Variants in MYT1L observed in about 807,000 individuals in gnomAD.
The protein encoded by MYT1L is myelin transcription factor 1-like protein.
In MYT1L, 12 loss-of-function variants were observed where a neutral mutation model predicts 126.7. The ratio of observed to expected loss-of-function variants is 0.09; its 90% CI spans 0.06 to 0.15. The LOEUF is 0.15. MYT1L is among the 10% of genes least tolerant of loss of function. The pLI is 1.00. For missense variants in MYT1L, 979 were observed against 1,585.2 expected (o/e 0.62, Z 6.49); for synonymous variants, 541 against 604.2 (o/e 0.90, Z 1.53).
In MYT1L at chr2:2,038,761, G is replaced by A. The variant is rs548377101; in HGVS notation, c.-158+15217C>T. 2.6e-5 allele frequency among the ~76,000 whole-genome samples: 4 copies of A among 152,144 alleles called. No individual in the cohort carries two copies. The East Asian group carries it at 7.8e-4, about 29-fold the overall frequency. ...CACAGGTGGTGAGGCCCTGGTTGATGTGTCCAGCTGTCCCTCACACACCCT... is the reference window on the plus strand; with the variant it reads ...CACAGGTGGTGAGGCCCTGGTTGATATGTCCAGCTGTCCCTCACACACCCT... On this transcript the variant is annotated intron_variant, in intron 4 of 24. Transcript: ENST00000647738.
intron 5 of MYT1L, among the ~76,000 whole-genome samples, chr2:1,990,145 C>T (rs555088432): frequency 4.6e-5 from 7 of 152,344 alleles, no homozygotes; most frequent in South Asian, 2.1e-4. Flanking sequence ...GCAGGATAAA[C>T]GGTGTGGTCA....
intron 3 of MYT1L, among the ~76,000 whole-genome samples, chr2:2,095,059 A>C (rs1214559467): frequency 6.6e-6 from 1 of 152,248 alleles, no homozygotes; most frequent in African/African-American, 2.4e-5. Flanking sequence ...CTATGTAATC[A>C]AAAAATGATC....
intron 18 of MYT1L, 47 bp downstream of exon 18, chr2:1,886,485 TGAACTAC>T: frequency 1.5e-6 from 2 of 1,308,702 alleles, no homozygotes; most frequent in South Asian, 1.5e-5. Context: ...TTTTTTTTTG[TGAACTAC>T]TGAGTGCATG....
chr2:2,279,585 G>A (rs893223582), intron 2 of MYT1L, among the ~76,000 whole-genome samples: 7 of 151,206 alleles, frequency 4.6e-5, no homozygotes, highest in East Asian at 3.9e-4. Flanking sequence ...AGGAAGGAAG[G>A]AAGGAAGGAA....
rs1008554641 is a variant in MYT1L at position 2,049,064 on chromosome 2, T to C, written c.-158+4914A>G. On this transcript the variant is annotated intron_variant, in intron 4 of 24. Coordinates refer to ENST00000647738, the MANE Select transcript of MYT1L (RefSeq NM_001303052.2). ...CATTGTTTTAATGAAATCATAACAA[T>C]TATGATAGAAGCAACACAAATGAAT... Among the ~76,000 whole-genome samples the C allele has an allele frequency of 7.9e-5, 12 of 152,322 alleles. No individual in the cohort carries two copies. In the East Asian group the frequency reaches 2.1e-3, roughly 27 times the overall value.
At chr2:1,997,116 C>T (rs2061945785) in intron 5 of MYT1L, 75 bp downstream of exon 5, 2 of 150,402 alleles carry the variant, frequency 1.3e-5, no homozygotes, top group Non-Finnish European at 3.0e-5. Flanking sequence ...TGTAGACGGG[C>T]CGCCTTTACC....
chr2:1,990,785 C>A (rs760307699), intron 5 of MYT1L, among the ~76,000 whole-genome samples: 1 of 152,202 alleles, frequency 6.6e-6, no homozygotes, highest in Non-Finnish European at 1.5e-5. Context: ...CTGGAACAGG[C>A]CCAGTCGTCT....
intron 2 of MYT1L, among the ~76,000 whole-genome samples, chr2:2,215,595 A>G (rs192812607): frequency 2.3e-4 from 35 of 152,362 alleles, no homozygotes; most frequent in African/African-American, 8.4e-4. Flanking sequence ...AAGAGATTTT[A>G]ACCCTCCTAT....
intron 4 of MYT1L, among the ~76,000 whole-genome samples, chr2:2,003,999 C>T (rs559764873): frequency 4.5e-4 from 62 of 136,480 alleles, no homozygotes; most frequent in African/African-American, 1.6e-3. Context: ...GCGTTCTTTC[C>T]TGCATGCCTT....
Position 1,922,473 on chromosome 2 carries a change from G to A in MYT1L, c.1296C>T (p.Thr432=), listed in dbSNP as rs747798091. Residue 432 remains threonine, a synonymous_variant, in exon 10 of 25, where the codon ACC becomes ACT. Transcript: ENST00000647738. The surrounding 1 kb of genome is among the most constrained non-coding windows in gnomAD (Gnocchi z 7.4). ...CCAAAGCGATGGCTTTCTCCAGCAG[G>A]GTCAGGTTCCCCTTGGTCATGTCGA... The part of the protein sequence containing the change: ...EVFDMTKGNL[T]LLEKAIALET... 1.3e-5 allele frequency: 21 copies of A among 1,613,842 alleles called. No homozygotes were observed. The East Asian group carries it at 4.7e-4, about 36-fold the overall frequency.
At chr2:2,004,271 A>C (rs1558697787) in intron 4 of MYT1L, among the ~76,000 whole-genome samples, 1 of 138,198 alleles carries the variant, frequency 7.2e-6, no homozygotes. Context: ...TCTTTCCTGC[A>C]GGCGTTCTTT....
At chr2:2,095,182 G>A (rs1217053267) in intron 3 of MYT1L, among the ~76,000 whole-genome samples, 1 of 152,220 alleles carries the variant, frequency 6.6e-6, no homozygotes, top group Non-Finnish European at 1.5e-5. Flanking sequence ...AGTTGTGACA[G>A]AAGCCAGGGC....
intron 2 of MYT1L, among the ~76,000 whole-genome samples, chr2:2,212,323 G>A (rs1410002194): frequency 4.0e-5 from 6 of 151,362 alleles, no homozygotes; most frequent in African/African-American, 1.5e-4. Flanking sequence ...GAAATTTTAG[G>A]AAGATTGGGT....
At chr2:2,158,730 T>C (rs2087213875) in intron 3 of MYT1L, among the ~76,000 whole-genome samples, 1 of 144,996 alleles carries the variant, frequency 6.9e-6, no homozygotes, top group South Asian at 2.2e-4. Flanking sequence ...ACACACACAC[T>C]TGAAATTGGA....
At chr2:1,853,922 G>T (rs2043590780) in intron 18 of MYT1L, among the ~76,000 whole-genome samples, 1 of 152,138 alleles carries the variant, frequency 6.6e-6, no homozygotes, top group Non-Finnish European at 1.5e-5. Context: ...TGTCATTTAT[G>T]AAAGTATAAT....
At chr2:1,826,525 G>A (rs1406560048) in intron 21 of MYT1L, among the ~76,000 whole-genome samples, 1 of 152,026 alleles carries the variant, frequency 6.6e-6, no homozygotes, top group East Asian at 1.9e-4. Context: ...GCTATTCACA[G>A]GGCCCTTTGG....
At position 1,789,310 on chromosome 2, in the gene MYT1L, T is replaced by G. The variant is rs539764696; in HGVS notation, c.*2557A>C. Reference sequence around the variant, plus strand: ...CGTGTAGTACAAAAATAAATCAAACTTCAGTTCCACAGAGAGCACAATAAA... The same window carrying G: ...CGTGTAGTACAAAAATAAATCAAACGTCAGTTCCACAGAGAGCACAATAAA... On this transcript the variant is annotated 3_prime_UTR_variant, in exon 25 of 25. Coordinates refer to ENST00000647738, the MANE Select transcript of MYT1L (RefSeq NM_001303052.2). 6.6e-6 allele frequency: 1 copy of G among 152,288 alleles called. No homozygotes were observed. Among genetic ancestry groups the G allele is most frequent in the Non-Finnish European group, 1.5e-5 (1 of 68,020 alleles). The allele number at this position is 152,288 out of a possible 1,614,324, so 9.4% of individuals were successfully genotyped here.
At chr2:2,037,743 C>G (rs1180927817) in intron 4 of MYT1L, among the ~76,000 whole-genome samples, 3 of 151,172 alleles carry the variant, frequency 2.0e-5, no homozygotes, top group Non-Finnish European at 4.4e-5. Flanking sequence ...GGAGACAGAG[C>G]CAGACTCCGT....
intron 2 of MYT1L, among the ~76,000 whole-genome samples, chr2:2,210,191 T>G (rs1232348105): frequency 1.3e-5 from 2 of 152,178 alleles, no homozygotes; most frequent in Non-Finnish European, 2.9e-5. Flanking sequence ...GTCTGATTAT[T>G]GATCCCTTGT....
Sources: allele counts gnomAD v4.1 joint callset (sites outside exome capture counted in the v4.1 genomes callset), GRCh38; gene constraint gnomAD v4.1.1; non-coding constraint Gnocchi (gnomAD v3.1); transcripts MANE v1.5; gene names NCBI Gene and HGNC (gene_info 2026-07-23, HGNC 2026-07-21).